SNTG1: variants seen among roughly 807,000 people sequenced by gnomAD.
SNTG1 encodes the protein syntrophin gamma 1.
In SNTG1, 39 loss-of-function variants were observed where a neutral mutation model predicts 74.7. The ratio of observed to expected loss-of-function variants is 0.52; its 90% CI spans 0.40 to 0.68. The LOEUF (loss-of-function observed/expected upper bound fraction) is 0.68. SNTG1 is among the 30% of genes least tolerant of loss of function. The pLI is 0.00. For synonymous variants in SNTG1, 254 were observed against 217.1 expected (o/e 1.17, Z -1.49); for missense variants, 685 against 609.5 (o/e 1.12, Z -1.30).
chr8:50,321,137 A>T (rs1409356480), intron 2 of SNTG1, among the ~76,000 whole-genome samples: 2 of 152,080 alleles, frequency 1.3e-5, no homozygotes, highest in Non-Finnish European at 2.9e-5. Flanking sequence ...GAGGTGTTGA[A>T]GTATCCAGCT....
intron 2 of SNTG1, among the ~76,000 whole-genome samples, chr8:50,216,709 G>A (rs933008624): frequency 6.6e-6 from 1 of 152,098 alleles, no homozygotes; most frequent in Non-Finnish European, 1.5e-5. Context: ...CTATTTGAAT[G>A]TTGAATTAGA....
At chr8:50,405,499 T>C (rs1459516155) in intron 4 of SNTG1, among the ~76,000 whole-genome samples, 1 of 152,106 alleles carries the variant, frequency 6.6e-6, no homozygotes, top group Non-Finnish European at 1.5e-5. Flanking sequence ...ATTGGATTGT[T>C]TGTTTTTTGG....
intron 15 of SNTG1, among the ~76,000 whole-genome samples, chr8:50,683,725 G>C (rs748253071): frequency 9.9e-5 from 15 of 152,254 alleles, no homozygotes; most frequent in Non-Finnish European, 2.2e-4. Context: ...TTTACTACTT[G>C]AGGGATTTAG....
intron 13 of SNTG1, among the ~76,000 whole-genome samples, chr8:50,645,236 TGCTCC>T: frequency 8.7e-6 from 1 of 114,996 alleles, no homozygotes; most frequent in East Asian, 2.6e-4. Context: ...CTTAATTCTT[TGCTCC>T]TCTCTTCAAT....
rs12334688 is a variant in SNTG1, at chr8:50,174,560, C to A, written c.-28+1925C>A. Among the ~76,000 whole-genome samples the A allele has an allele frequency of 8.2e-3, 1,242 of 152,280 alleles. 20 individuals carry two copies. The highest frequency in any genetic ancestry group is 0.029 in the African/African-American group (1,194 of 41,536). On this transcript the variant is annotated intron_variant, in intron 2 of 18. Coordinates refer to ENST00000642720, the MANE Select transcript of SNTG1 (RefSeq NM_018967.5). ...CACATTTTCCCCAAAGCAAAAATAA[C>A]CCTTTCTAACGCATTATAAATGCCA...
chr8:49,921,005 G>C (rs1377860665), intron 1 of SNTG1, among the ~76,000 whole-genome samples: 1 of 152,052 alleles, frequency 6.6e-6, no homozygotes, highest in Non-Finnish European at 1.5e-5. Flanking sequence ...TCTGACATGG[G>C]ACATGTCAAA....
chr8:49,986,825 C>A (rs369740337), intron 1 of SNTG1, among the ~76,000 whole-genome samples: 10 of 151,940 alleles, frequency 6.6e-5, no homozygotes, highest in Non-Finnish European at 1.3e-4. Context: ...AGGCCATGAT[C>A]GTGCCACTGC....
intron 8 of SNTG1, chr8:50,458,019 C>T (rs1458498811): frequency 6.6e-6 from 1 of 152,200 alleles, no homozygotes; most frequent in Non-Finnish European, 1.5e-5. Context: ...CATTTGGACT[C>T]TCCTGTTGCA....
At chr8:50,401,614 C>T (rs183689419) in intron 3 of SNTG1, among the ~76,000 whole-genome samples, 6 of 151,734 alleles carry the variant, frequency 4.0e-5, no homozygotes, top group East Asian at 1.9e-4. Context: ...TATGTGAGTG[C>T]GTGTTCATGC....
chr8:50,320,864 T>C (rs1192982343), intron 2 of SNTG1, among the ~76,000 whole-genome samples: 1 of 152,170 alleles, frequency 6.6e-6, no homozygotes, highest in African/African-American at 2.4e-5. Context: ...TATTCCACTG[T>C]GCTCAGAGAA....
At chr8:50,195,845 G>A (rs1466127664) in intron 2 of SNTG1, among the ~76,000 whole-genome samples, 2 of 152,130 alleles carry the variant, frequency 1.3e-5, no homozygotes, top group Admixed American at 1.3e-4. Flanking sequence ...TCTCAGGGCT[G>A]TTGGTTTGTT....
chr8:50,017,834 A>G (rs935094566), intron 1 of SNTG1, among the ~76,000 whole-genome samples: 1 of 151,980 alleles, frequency 6.6e-6, no homozygotes, highest in Admixed American at 6.6e-5. Flanking sequence ...TTCAATACCC[A>G]CTTTCAATAA....
At chr8:50,755,602 A>G (rs572208485) in intron 18 of SNTG1, among the ~76,000 whole-genome samples, 41 of 152,020 alleles carry the variant, frequency 2.7e-4, no homozygotes, top group South Asian at 6.2e-4. Context: ...TAAGTTTTCA[A>G]CTTCTTTGGG....
chr8:50,091,301 C>A (rs1018668631), intron 1 of SNTG1, among the ~76,000 whole-genome samples: 2 of 151,318 alleles, frequency 1.3e-5, no homozygotes, highest in Admixed American at 6.6e-5. Flanking sequence ...AATGTTTGTG[C>A]GTGTGGTAAG....
intron 2 of SNTG1, among the ~76,000 whole-genome samples, chr8:50,321,092 C>T (rs4316169): frequency 0.9 from 136,563 of 152,024 alleles, 63,124 homozygotes; most frequent in East Asian, 1. Context: ...TCTTTGCTGA[C>T]TTTCTGTCTG....
At chr8:50,338,293 C>T (rs1039300151) in intron 2 of SNTG1, among the ~76,000 whole-genome samples, 2 of 152,130 alleles carry the variant, frequency 1.3e-5, no homozygotes, top group Non-Finnish European at 2.9e-5. Flanking sequence ...AGCCTAACTC[C>T]TGGCAAGACA....
intron 2 of SNTG1, among the ~76,000 whole-genome samples, chr8:50,329,224 C>G (rs539904181): frequency 1.2e-3 from 189 of 152,278 alleles, no homozygotes; most frequent in Non-Finnish European, 1.9e-3. Context: ...TTTCCAGGTA[C>G]ACAGTGCAAG....
intron 2 of SNTG1, among the ~76,000 whole-genome samples, chr8:50,279,182 T>C (rs1475344358): frequency 1.3e-5 from 2 of 152,148 alleles, no homozygotes; most frequent in Non-Finnish European, 2.9e-5. Context: ...AAAAATAAGT[T>C]GATTTCACTT....
At chr8:50,018,162 G>T (rs949185820) in intron 1 of SNTG1, among the ~76,000 whole-genome samples, 5 of 151,928 alleles carry the variant, frequency 3.3e-5, no homozygotes, top group African/African-American at 9.7e-5. Context: ...AAATTTTTAT[G>T]ATGCTTATAA....
Sources: gnomAD v4.1 joint callset for allele counts (sites outside exome capture counted in the v4.1 genomes callset) on GRCh38, gnomAD v4.1.1 for gene constraint, MANE v1.5 for transcripts, NCBI Gene and HGNC (gene_info 2026-07-23, HGNC 2026-07-21) for gene names.